RBFOX3: variants seen among roughly 807,000 people sequenced by gnomAD.
The protein encoded by RBFOX3 is RNA binding protein fox-1 homolog 3.
In RBFOX3, 17 loss-of-function variants were observed where a neutral mutation model predicts 48.7. The ratio of observed to expected loss-of-function variants is 0.35; its 90% CI spans 0.24 to 0.52. The LOEUF is 0.52. Ranked by LOEUF, RBFOX3 falls within the 20% of genes least tolerant of loss-of-function variation. The pLI is 0.94. For missense variants in RBFOX3, 382 were observed against 497.5 expected (o/e 0.77, Z 2.21); for synonymous variants, 212 against 209.5 (o/e 1.01, Z -0.10).
chr17:79,317,097 C>A (rs2077639458), intron 2 of RBFOX3, among the ~76,000 whole-genome samples: 1 of 152,164 alleles, frequency 6.6e-6, no homozygotes, highest in Admixed American at 6.5e-5. Context: ...CCCATATGCT[C>A]CCTCATGGAA....
At chr17:79,294,681 G>C (rs763915853) in intron 3 of RBFOX3, among the ~76,000 whole-genome samples, 3 of 152,190 alleles carry the variant, frequency 2.0e-5, no homozygotes, top group East Asian at 1.9e-4. Flanking sequence ...AGCGACCTGC[G>C]GGTGGGAGAC....
intron 1 of RBFOX3, among the ~76,000 whole-genome samples, chr17:79,564,001 C>T (rs1394529252): frequency 1.3e-5 from 2 of 152,338 alleles, no homozygotes; most frequent in Non-Finnish European, 2.9e-5. Flanking sequence ...AGGCTGAGTA[C>T]CCTGCACATT....
chr17:79,231,957 C>T (rs537101506), intron 4 of RBFOX3, among the ~76,000 whole-genome samples: 7 of 152,246 alleles, frequency 4.6e-5, no homozygotes, highest in African/African-American at 1.4e-4. Flanking sequence ...TCCACATGGC[C>T]GGGGAGGCCT....
At chr17:79,444,158 A>T (rs1446529598) in intron 2 of RBFOX3, among the ~76,000 whole-genome samples, 2 of 152,142 alleles carry the variant, frequency 1.3e-5, no homozygotes, top group Non-Finnish European at 2.9e-5. Context: ...AACCCTGGGG[A>T]TATGGAGAGA....
At chr17:79,409,742 G>C (rs539380768) in intron 2 of RBFOX3, among the ~76,000 whole-genome samples, 2 of 152,204 alleles carry the variant, frequency 1.3e-5, no homozygotes, top group Non-Finnish European at 2.9e-5. Flanking sequence ...CCCACAGAGC[G>C]GGCAGGCAGG....
chr17:79,381,406 A>C (rs182544426), intron 2 of RBFOX3, among the ~76,000 whole-genome samples: 1 of 151,510 alleles, frequency 6.6e-6, no homozygotes, highest in Non-Finnish European at 1.5e-5. Flanking sequence ...CTTTGTACGG[A>C]GTCTTTGAAG....
intron 1 of RBFOX3, among the ~76,000 whole-genome samples, chr17:79,530,105 T>A (rs1438416102): frequency 1.3e-5 from 2 of 152,178 alleles, no homozygotes; most frequent in East Asian, 3.9e-4. Context: ...AGGGGCTTTT[T>A]AATGAGATGA....
chr17:79,268,183 GT>G (rs1306074779), intron 3 of RBFOX3, among the ~76,000 whole-genome samples: 1 of 151,996 alleles, frequency 6.6e-6, no homozygotes, highest in East Asian at 1.9e-4. Context: ...CTGCGAGGGT[GT>G]CCCCTGTGGG....
chr17:79,659,958 G>A, the RBFOX3 span, among the ~76,000 whole-genome samples: 14 of 152,178 alleles, frequency 9.2e-5, no homozygotes, highest in African/African-American at 2.6e-4. Context: ...AGGCTGAGGC[G>A]GGCAGATCAT....
intron 1 of RBFOX3, among the ~76,000 whole-genome samples, chr17:79,518,320 C>T (rs953217519): frequency 6.6e-6 from 1 of 152,220 alleles, no homozygotes; most frequent in Admixed American, 6.5e-5. Flanking sequence ...CACAGACCCA[C>T]TATATACGAT....
At chr17:79,104,021 TGGCGGGACCTACAGCC>T in intron 7 of RBFOX3, 36 bp downstream of exon 7, 1 of 1,473,380 alleles carries the variant, frequency 6.8e-7, no homozygotes, top group South Asian at 1.2e-5. Flanking sequence ...CACGTTAGCC[TGGCGGGACCTACAGCC>T]GGCGCTGTAA....
At chr17:79,512,272 C>T (rs556551602) in intron 1 of RBFOX3, among the ~76,000 whole-genome samples, 7 of 137,960 alleles carry the variant, frequency 5.1e-5, no homozygotes, top group South Asian at 4.8e-4. Flanking sequence ...GATATACACC[C>T]GGATACATAT....
the RBFOX3 span, among the ~76,000 whole-genome samples, chr17:79,643,621 T>C: frequency 6.6e-6 from 1 of 152,152 alleles, no homozygotes; most frequent in South Asian, 2.1e-4. Flanking sequence ...AAATTAAAAA[T>C]TGATGACAAT....
At chr17:79,320,618 C>G (rs767495498) in intron 2 of RBFOX3, among the ~76,000 whole-genome samples, 16 of 152,208 alleles carry the variant, frequency 1.1e-4, no homozygotes, top group Non-Finnish European at 2.2e-4. Context: ...CTCCAAAATC[C>G]TTTGCAACGA....
At chr17:79,348,885 T>G (rs2083375419) in intron 2 of RBFOX3, among the ~76,000 whole-genome samples, 1 of 151,924 alleles carries the variant, frequency 6.6e-6, no homozygotes, top group African/African-American at 2.4e-5. Flanking sequence ...CTAAACCCAC[T>G]TTTTCAATCA....
chr17:79,333,494 GGAGACAGAAATCAT>G (rs1207831568), intron 2 of RBFOX3, among the ~76,000 whole-genome samples: 7 of 152,138 alleles, frequency 4.6e-5, no homozygotes, highest in Non-Finnish European at 8.8e-5. Context: ...AAGAGAGAGA[GGAGACAGAAATCAT>G]TGCTTCAGAG....
chr17:79,175,053 C>T lies in RBFOX3; in HGVS notation c.-33-59305G>A, dbSNP rs534933977. 3.3e-5 allele frequency among the ~76,000 whole-genome samples: 5 copies of T among 152,348 alleles called. No homozygotes were observed. The South Asian group carries it at 1.0e-3, about 32-fold the overall frequency. On this transcript the variant is annotated intron_variant, in intron 4 of 14. Transcript: ENST00000693108. ...CAGCCCCTCCTGCCTCTTCCTTCCT[C>T]TTCCTCCATACCTGGCAAGTCTATC...
chr17:79,546,426 T>C (rs1555791924), intron 1 of RBFOX3, among the ~76,000 whole-genome samples: 1 of 152,192 alleles, frequency 6.6e-6, no homozygotes, highest in Non-Finnish European at 1.5e-5. Context: ...CAGAGCCCTA[T>C]CTGCTCTAAG....
rs976337311 is a variant in RBFOX3, at chr17:79,473,417, A to G, written c.-175+9037T>C. On this transcript the variant is annotated intron_variant, in intron 2 of 14. Transcript: ENST00000693108. This position sits in a 1 kb window ranked among gnomAD's most constrained non-coding sequence, Gnocchi z 4.2. ...TGAGGATTCACGATGATTCATATAT[A>G]TTTTGGGACGAGAACCTCGGGTAAG... is the stretch of plus-strand genomic sequence containing the variant. Among the ~76,000 whole-genome samples, 5 of 152,210 alleles carry G rather than the reference A, an allele frequency of 3.3e-5. No homozygotes were observed. The highest frequency in any genetic ancestry group is 1.2e-4 in the African/African-American group (5 of 41,446).
Sources: gnomAD v4.1 joint callset for allele counts (sites outside exome capture counted in the v4.1 genomes callset) on GRCh38, gnomAD v4.1.1 for gene constraint, Gnocchi (gnomAD v3.1) non-coding constraint, MANE v1.5 for transcripts, NCBI Gene and HGNC (gene_info 2026-07-23, HGNC 2026-07-21) for gene names.